KSR2: variants seen among roughly 807,000 people sequenced by gnomAD.
KSR2 encodes kinase suppressor of ras 2.
Under a neutral mutation model 107.8 loss-of-function variants are expected in KSR2, and 25 were observed. The ratio of observed to expected loss-of-function variants is 0.23; its 90% confidence interval spans 0.17 to 0.32. The LOEUF is 0.32. Ranked by LOEUF, KSR2 falls within the 10% of genes least tolerant of loss-of-function variation. KSR2 has a pLI of 1.00. For synonymous variants in KSR2, 480 were observed against 507.0 expected (o/e 0.95, Z 0.71); for missense variants, 887 against 1,268.9 (o/e 0.70, Z 4.57).
Position 117,458,785 on chromosome 12 carries a change from T to A in KSR2, c.*8414A>T, listed in dbSNP as rs1870751955. ...CTGGTGGTCCACTAGGACCTCAAGA[T>A]CTTATCTGGGTGGAAACTTGATTTT... On this transcript the variant is annotated 3_prime_UTR_variant, in exon 20 of 20. Transcript: ENST00000339824. The A allele has an allele frequency of 6.6e-6, 1 of 151,858 alleles. No homozygotes were observed. The highest frequency in any genetic ancestry group is 2.4e-5 in the African/African-American group (1 of 41,300). 9.4% of individuals were successfully genotyped at this position (151,858 alleles called of 1,614,324 possible).
intron 3 of KSR2, among the ~76,000 whole-genome samples, chr12:117,833,342 A>G (rs139774756): frequency 1.3e-5 from 2 of 152,260 alleles, no homozygotes; most frequent in African/African-American, 4.8e-5. Flanking sequence ...AACCCTTGGG[A>G]CAGGAGTGCA....
chr12:117,694,975 C>T (rs1355794422), intron 4 of KSR2, among the ~76,000 whole-genome samples: 2 of 151,698 alleles, frequency 1.3e-5, no homozygotes, highest in Admixed American at 6.6e-5. Context: ...CTCAGCCTCC[C>T]GAGTAGCTGG....
At chr12:117,735,630 T>C (rs1356552171) in intron 4 of KSR2, among the ~76,000 whole-genome samples, 4 of 152,158 alleles carry the variant, frequency 2.6e-5, no homozygotes, top group African/African-American at 9.7e-5. Flanking sequence ...AAATGTATCA[T>C]TCCGCTTGTG....
At chr12:117,866,038 C>CTTTATTT (rs538018917) in intron 1 of KSR2, among the ~76,000 whole-genome samples, 41 of 124,228 alleles carry the variant, frequency 3.3e-4, no homozygotes, top group African/African-American at 1.2e-3. Context: ...TAATCTCTCT[C>CTTTATTT]TTTTTTTTTT....
intron 3 of KSR2, among the ~76,000 whole-genome samples, chr12:117,774,243 T>C (rs1172336647): frequency 6.6e-6 from 1 of 152,224 alleles, no homozygotes; most frequent in Non-Finnish European, 1.5e-5. Context: ...CCAGAAAGCC[T>C]GAAACCGAAA....
At chr12:117,774,905 G>A (rs1889633053) in intron 3 of KSR2, among the ~76,000 whole-genome samples, 1 of 152,026 alleles carries the variant, frequency 6.6e-6, no homozygotes, top group Non-Finnish European at 1.5e-5. Context: ...TTATATGAAT[G>A]GAATCCTACG....
chr12:117,695,875 G>T (rs145904132), intron 4 of KSR2, among the ~76,000 whole-genome samples: 1 of 152,176 alleles, frequency 6.6e-6, no homozygotes, highest in African/African-American at 2.4e-5. Flanking sequence ...CTTCAGGAAG[G>T]CCAAAGAGAG....
chr12:117,661,956 A>G (rs1447254715), intron 5 of KSR2, among the ~76,000 whole-genome samples: 1 of 152,240 alleles, frequency 6.6e-6, no homozygotes, highest in East Asian at 1.9e-4. Flanking sequence ...AGGTTTATAT[A>G]TTTCAATGCC....
chr12:117,630,688 G>A (rs1230117285), intron 5 of KSR2, among the ~76,000 whole-genome samples: 4 of 152,146 alleles, frequency 2.6e-5, no homozygotes, highest in African/African-American at 9.7e-5. Context: ...GGTGGATGGA[G>A]AGAAGTGATT....
intron 5 of KSR2, among the ~76,000 whole-genome samples, chr12:117,588,273 T>G (rs1023777770): frequency 6.6e-6 from 1 of 152,210 alleles, no homozygotes; most frequent in East Asian, 1.9e-4. Flanking sequence ...TGGCATAGAC[T>G]GATCTTAGAG....
At chr12:117,899,029 G>C (rs1894600619) in intron 1 of KSR2, among the ~76,000 whole-genome samples, 1 of 152,082 alleles carries the variant, frequency 6.6e-6, no homozygotes, top group South Asian at 2.1e-4. Context: ...ATAGAATCTT[G>C]GCGCAGATGA....
chr12:117,592,335 A>G (rs1486326897), intron 5 of KSR2, among the ~76,000 whole-genome samples: 1 of 151,952 alleles, frequency 6.6e-6, no homozygotes, highest in African/African-American at 2.4e-5. Flanking sequence ...GCTGGTCTCT[A>G]ACTGCCGACC....
chr12:117,900,558 TTATATA>T (rs201264767), intron 1 of KSR2, among the ~76,000 whole-genome samples: 1 of 149,994 alleles, frequency 6.7e-6, no homozygotes, highest in Admixed American at 6.7e-5. Context: ...GCTAGAGACT[TTATATA>T]TATATATGTT....
chr12:117,901,134 G>C (rs1230723528), intron 1 of KSR2, among the ~76,000 whole-genome samples: 1 of 152,036 alleles, frequency 6.6e-6, no homozygotes, highest in Non-Finnish European at 1.5e-5. Flanking sequence ...AACCAGGGCC[G>C]GGTGACACAA....
chr12:117,615,161 C>G (rs1390571459), intron 5 of KSR2, among the ~76,000 whole-genome samples: 1 of 151,774 alleles, frequency 6.6e-6, no homozygotes, highest in Non-Finnish European at 1.5e-5. Context: ...CTCTCTTCTC[C>G]TGGTAAGACA....
chr12:117,950,846 T>C lies in KSR2; in HGVS notation c.180+17230A>G, dbSNP rs188911909. ...TTAGCATTCACTTCTATTCTCCTGG[T>C]ATAAGCTATTAGGTAAGTGTGAGAG... is the stretch of plus-strand genomic sequence containing the variant. On this transcript the variant is annotated intron_variant, in intron 1 of 19. Transcript: ENST00000339824. 1.2e-3 allele frequency among the ~76,000 whole-genome samples: 189 copies of C among 151,638 alleles called. 1 individual carries two copies. The highest frequency in any genetic ancestry group is 6.9e-4 in the Non-Finnish European group (47 of 67,912).
At chr12:117,598,482 C>T (rs1272704676) in intron 5 of KSR2, among the ~76,000 whole-genome samples, 1 of 152,104 alleles carries the variant, frequency 6.6e-6, no homozygotes, top group African/African-American at 2.4e-5. Flanking sequence ...AATGACTTCT[C>T]TAGTGGGATT....
rs1166900670 is a variant in KSR2, at chr12:117,956,175, G to A, written c.180+11901C>T. 2.1e-5 allele frequency among the ~76,000 whole-genome samples: 3 copies of A among 146,328 alleles called. No individual in the cohort carries two copies. In the Admixed American group the frequency reaches 2.1e-4, roughly 10 times the overall value. On this transcript the variant is annotated intron_variant, in intron 1 of 19. Transcript: ENST00000339824. ...TAAGGCAGGAGAATGGCATGAACCT[G>A]GGAGGCGGAGCTTGCAGTGAGCCGA...
intron 4 of KSR2, among the ~76,000 whole-genome samples, chr12:117,743,550 A>G (rs1254839712): frequency 2.6e-5 from 4 of 152,234 alleles, no homozygotes; most frequent in African/African-American, 9.6e-5. Flanking sequence ...ACACACCCAC[A>G]TGTATACACT....
Sources: gnomAD v4.1 joint callset for allele counts (sites outside exome capture counted in the v4.1 genomes callset) on GRCh38, gnomAD v4.1.1 for gene constraint, MANE v1.5 for transcripts, NCBI Gene and HGNC (gene_info 2026-07-23, HGNC 2026-07-21) for gene names.